Variants in BCKDHB observed in about 807,000 individuals in gnomAD.
The protein encoded by BCKDHB is branched chain keto acid dehydrogenase E1 subunit beta.
In BCKDHB, 41 loss-of-function variants were observed where a neutral mutation model predicts 48.5. The observed-to-expected ratio is 0.85, with a 90% CI of 0.66 to 1.10. The LOEUF is 1.10. Among genes scored for constraint, BCKDHB ranks in the 50% least tolerant of loss-of-function variants. BCKDHB has a pLI of 0.00. For synonymous variants in BCKDHB, 201 were observed against 174.8 expected (o/e 1.15, Z -1.18); for missense variants, 496 against 494.2 (o/e 1.00, Z -0.03).
chr6:80,399,601 A>C, the BCKDHB span, among the ~76,000 whole-genome samples: 2 of 152,166 alleles, frequency 1.3e-5, no homozygotes, highest in African/African-American at 4.8e-5. Flanking sequence ...CACAGAAGAC[A>C]CAACAAAGTA....
chr6:80,205,490 C>A (rs1163098549), intron 8 of BCKDHB, among the ~76,000 whole-genome samples: 4 of 152,032 alleles, frequency 2.6e-5, no homozygotes, highest in African/African-American at 9.7e-5. Flanking sequence ...ACTCTATACA[C>A]TAAAATGCCT....
intron 1 of BCKDHB, chr6:80,127,270 T>C (rs755007133): frequency 1.5e-5 from 6 of 391,910 alleles, no homozygotes; most frequent in South Asian, 2.3e-5. Flanking sequence ...ATAGGTCTTA[T>C]TGTCTACACG....
intron 9 of BCKDHB, among the ~76,000 whole-genome samples, chr6:80,296,314 T>C (rs1424934557): frequency 1.3e-5 from 2 of 152,122 alleles, no homozygotes; most frequent in African/African-American, 4.8e-5. Context: ...AAAACCACAG[T>C]CAAAAACACA....
chr6:80,277,897 T>C (rs1778035759), intron 9 of BCKDHB, among the ~76,000 whole-genome samples: 1 of 152,144 alleles, frequency 6.6e-6, no homozygotes, highest in South Asian at 2.1e-4. Flanking sequence ...AAACTTTTAA[T>C]AACTTTCAAG....
chr6:80,437,356 C>T, the BCKDHB span, among the ~76,000 whole-genome samples: 1 of 152,086 alleles, frequency 6.6e-6, no homozygotes, highest in Non-Finnish European at 1.5e-5. Context: ...GAAAATCTAA[C>T]ATCTTAACAT....
chr6:80,299,743 C>G (rs1407928006), intron 9 of BCKDHB, among the ~76,000 whole-genome samples: 1 of 152,148 alleles, frequency 6.6e-6, no homozygotes. Flanking sequence ...ACAAAACCTG[C>G]TACAACGAAA....
At chr6:80,315,248 A>C (rs1768382030) in intron 9 of BCKDHB, among the ~76,000 whole-genome samples, 1 of 152,152 alleles carries the variant, frequency 6.6e-6, no homozygotes, top group Non-Finnish European at 1.5e-5. Context: ...GAGACTCCAC[A>C]GAGTTCTGTG....
the BCKDHB span, among the ~76,000 whole-genome samples, chr6:80,357,603 G>C: frequency 6.6e-6 from 1 of 152,190 alleles, no homozygotes; most frequent in African/African-American, 2.4e-5. Context: ...GTAAATATCT[G>C]TTTAACTACA....
the BCKDHB span, among the ~76,000 whole-genome samples, chr6:80,379,995 A>G: frequency 1.7e-3 from 255 of 152,260 alleles, 1 homozygote; most frequent in African/African-American, 5.5e-3. Context: ...AATATTATTA[A>G]AATGGCAATA....
the BCKDHB span, among the ~76,000 whole-genome samples, chr6:80,458,183 G>A: frequency 3.9e-5 from 6 of 152,174 alleles, no homozygotes; most frequent in Admixed American, 3.3e-4. Context: ...TATTTTGCCA[G>A]TCATCTTAAT....
the BCKDHB span, among the ~76,000 whole-genome samples, chr6:80,453,714 C>T: frequency 0.01 from 1,593 of 152,134 alleles, 15 homozygotes; most frequent in African/African-American, 0.024. Context: ...GTCGGGTGTG[C>T]GATGGGGGAA....
At chr6:80,128,330 T>G (rs1207218331) in intron 2 of BCKDHB, among the ~76,000 whole-genome samples, 1 of 152,136 alleles carries the variant, frequency 6.6e-6, no homozygotes, top group South Asian at 2.1e-4. Context: ...TGATTAGATC[T>G]TGATTTGTTT....
the BCKDHB span, among the ~76,000 whole-genome samples, chr6:80,419,582 C>A: frequency 6.6e-6 from 1 of 152,202 alleles, no homozygotes; most frequent in East Asian, 1.9e-4. Context: ...ACCAAACCCT[C>A]TGGGATCCAT....
chr6:80,233,168 T>C (rs1288398277), intron 8 of BCKDHB, among the ~76,000 whole-genome samples: 1 of 152,140 alleles, frequency 6.6e-6, no homozygotes, highest in Non-Finnish European at 1.5e-5. Flanking sequence ...TGGCACCATT[T>C]TTGTCCTTAT....
intron 9 of BCKDHB, among the ~76,000 whole-genome samples, chr6:80,278,528 C>T (rs1002477381): frequency 1.3e-5 from 2 of 152,160 alleles, no homozygotes; most frequent in African/African-American, 2.4e-5. Flanking sequence ...GTCATCTTCT[C>T]CTTTGCTTGT....
intron 8 of BCKDHB, among the ~76,000 whole-genome samples, chr6:80,217,045 C>T (rs779033137): frequency 1.1e-4 from 16 of 152,150 alleles, no homozygotes; most frequent in Non-Finnish European, 1.9e-4. Flanking sequence ...GAGTTTGAGA[C>T]CAGCCTGACC....
chr6:80,400,296 G>C, the BCKDHB span, among the ~76,000 whole-genome samples: 43 of 152,078 alleles, frequency 2.8e-4, no homozygotes, highest in African/African-American at 9.9e-4. Flanking sequence ...CCTATAGAAT[G>C]GGAGAAAATT....
intron 9 of BCKDHB, among the ~76,000 whole-genome samples, chr6:80,303,568 C>G (rs1767695413): frequency 2.0e-5 from 3 of 151,984 alleles, no homozygotes; most frequent in Admixed American, 6.6e-5. Context: ...TGAAATTGAG[C>G]ATTTGGCGTT....
intron 6 of BCKDHB, among the ~76,000 whole-genome samples, chr6:80,177,774 A>G (rs895989738): frequency 2.0e-5 from 3 of 152,168 alleles, no homozygotes; most frequent in African/African-American, 7.2e-5. Context: ...TAAAGTAGGT[A>G]AAGGATACTA....
Sources: allele counts gnomAD v4.1 joint callset (sites outside exome capture counted in the v4.1 genomes callset), GRCh38; gene constraint gnomAD v4.1.1; transcripts MANE v1.5; gene names NCBI Gene and HGNC (gene_info 2026-07-23, HGNC 2026-07-21).